The following CNTNAP2 variants were observed in gnomAD, a reference collection of about 807,000 sequenced individuals.
CNTNAP2 encodes contactin-associated protein-like 2.
In CNTNAP2, 98 loss-of-function variants were observed where a neutral mutation model predicts 155.2. The ratio of observed to expected loss-of-function variants is 0.63; its 90% CI spans 0.54 to 0.75. The LOEUF (loss-of-function observed/expected upper bound fraction) is 0.75. Among genes scored for constraint, CNTNAP2 ranks in the 30% least tolerant of loss-of-function variants. CNTNAP2 has a pLI of 0.00. For synonymous variants in CNTNAP2, 651 were observed against 631.2 expected (o/e 1.03, Z -0.47); for missense variants, 1,727 against 1,688.1 (o/e 1.02, Z -0.40).
intron 13 of CNTNAP2, among the ~76,000 whole-genome samples, chr7:147,730,575 G>A (rs183606377): frequency 2.3e-4 from 35 of 151,958 alleles, no homozygotes; most frequent in African/African-American, 7.2e-4. Context: ...CTGCTCCACC[G>A]ACCAGCCATT....
At chr7:147,003,309 A>G (rs1220950665) in intron 3 of CNTNAP2, among the ~76,000 whole-genome samples, 1 of 151,922 alleles carries the variant, frequency 6.6e-6, no homozygotes, top group African/African-American at 2.4e-5. Context: ...ATGAGAGACT[A>G]CTAAAACATA....
At chr7:146,229,348 G>A (rs1799346586) in intron 1 of CNTNAP2, among the ~76,000 whole-genome samples, 1 of 152,068 alleles carries the variant, frequency 6.6e-6, no homozygotes, top group African/African-American at 2.4e-5. Context: ...TTCTTCAAAG[G>A]TCTAATTCTT....
In CNTNAP2 at chr7:146,545,049, A is replaced by G. The variant is rs1346152103; in HGVS notation, c.98-229222A>G. ...TCAAAGATAAATGGATAGCTCACCA[A>G]TTCAAGGTATCTTTGGGGTAGTTTA... is the stretch of plus-strand genomic sequence containing the variant. On this transcript the variant is annotated intron_variant, in intron 1 of 23. Transcript: ENST00000361727. 3.3e-5 allele frequency among the ~76,000 whole-genome samples: 5 copies of G among 152,024 alleles called. No homozygotes were observed. The East Asian group carries it at 9.7e-4, about 30-fold the overall frequency.
At chr7:146,210,441 C>T (rs919258987) in intron 1 of CNTNAP2, among the ~76,000 whole-genome samples, 1 of 152,142 alleles carries the variant, frequency 6.6e-6, no homozygotes, top group Non-Finnish European at 1.5e-5. Context: ...GCAGCTGGGA[C>T]TACAGGCATG....
At chr7:147,235,269 T>C (rs1161175506) in intron 8 of CNTNAP2, among the ~76,000 whole-genome samples, 1 of 152,020 alleles carries the variant, frequency 6.6e-6, no homozygotes, top group Non-Finnish European at 1.5e-5. Context: ...ACCTGGAAGA[T>C]CCTTAGACTT....
chr7:147,790,422 G>C (rs1797802089), intron 13 of CNTNAP2, among the ~76,000 whole-genome samples: 1 of 152,168 alleles, frequency 6.6e-6, no homozygotes, highest in Non-Finnish European at 1.5e-5. Flanking sequence ...ATGAAGAATA[G>C]TGATACACTT....
At chr7:146,682,571 A>G (rs1286132180) in intron 1 of CNTNAP2, among the ~76,000 whole-genome samples, 6 of 152,312 alleles carry the variant, frequency 3.9e-5, no homozygotes, top group Admixed American at 1.3e-4. Flanking sequence ...GAGAAAATGC[A>G]AAGTACATAC....
chr7:147,306,546 G>A (rs1481376608), intron 9 of CNTNAP2, among the ~76,000 whole-genome samples: 1 of 152,172 alleles, frequency 6.6e-6, no homozygotes, highest in Non-Finnish European at 1.5e-5. Flanking sequence ...ATAAATATTG[G>A]AAAGCTTTGT....
At chr7:148,064,435 A>G (rs934982824) in intron 15 of CNTNAP2, among the ~76,000 whole-genome samples, 1 of 152,042 alleles carries the variant, frequency 6.6e-6, no homozygotes, top group Admixed American at 6.5e-5. Context: ...AGATAAGAGA[A>G]AGAAATAAAG....
chr7:147,342,314 A>G (rs1795779209), intron 9 of CNTNAP2, among the ~76,000 whole-genome samples: 1 of 150,160 alleles, frequency 6.7e-6, no homozygotes, highest in South Asian at 2.2e-4. Context: ...ATTTAAAGAC[A>G]TATATTTGAG....
intron 17 of CNTNAP2, among the ~76,000 whole-genome samples, chr7:148,168,889 A>C (rs1277513316): frequency 6.6e-6 from 1 of 152,234 alleles, no homozygotes; most frequent in Non-Finnish European, 1.5e-5. Context: ...TTAGAAGAAA[A>C]TATGGTTGAA....
At chr7:147,665,056 A>G (rs964404109) in intron 13 of CNTNAP2, among the ~76,000 whole-genome samples, 5 of 152,218 alleles carry the variant, frequency 3.3e-5, no homozygotes, top group African/African-American at 1.2e-4. Context: ...TGCTTTTCAC[A>G]AAGTAGATGC....
chr7:147,679,208 G>A (rs1795913095), intron 13 of CNTNAP2, among the ~76,000 whole-genome samples: 1 of 151,680 alleles, frequency 6.6e-6, no homozygotes, highest in Admixed American at 6.6e-5. Context: ...AAGATTTAAG[G>A]AAAAAGCTCT....
chr7:146,253,404 T>C (rs1477643167), intron 1 of CNTNAP2, among the ~76,000 whole-genome samples: 2 of 152,248 alleles, frequency 1.3e-5, no homozygotes, highest in Non-Finnish European at 1.5e-5. Context: ...GCTTGCAGTC[T>C]CCACACACTG....
At chr7:147,989,621 T>C (rs1186170770) in intron 15 of CNTNAP2, among the ~76,000 whole-genome samples, 3 of 152,222 alleles carry the variant, frequency 2.0e-5, no homozygotes, top group African/African-American at 7.2e-5. Context: ...AGGCCTAGTC[T>C]CAGGTGACAG....
chr7:146,203,985 A>C (rs1224618128), intron 1 of CNTNAP2, among the ~76,000 whole-genome samples: 1 of 152,164 alleles, frequency 6.6e-6, no homozygotes, highest in African/African-American at 2.4e-5. Flanking sequence ...CCTTTACTAC[A>C]TATATGACTT....
chr7:147,432,390 C>G (rs865848066), intron 10 of CNTNAP2, among the ~76,000 whole-genome samples: 1 of 152,186 alleles, frequency 6.6e-6, no homozygotes, highest in African/African-American at 2.4e-5. Context: ...AGAGACAAAG[C>G]TGTGTTTTTT....
At chr7:146,431,604 A>G (rs1170769642) in intron 1 of CNTNAP2, among the ~76,000 whole-genome samples, 1 of 152,078 alleles carries the variant, frequency 6.6e-6, no homozygotes, top group Non-Finnish European at 1.5e-5. Flanking sequence ...TTTAATTTTT[A>G]TAATAGATCA....
At chr7:148,024,168 A>AT (rs1310520923) in intron 15 of CNTNAP2, among the ~76,000 whole-genome samples, 2 of 151,112 alleles carry the variant, frequency 1.3e-5, no homozygotes, top group African/African-American at 4.9e-5. Flanking sequence ...AAAAAAAAAA[A>AT]AAAAAAAAAA....
Sources: allele counts gnomAD v4.1 joint callset (sites outside exome capture counted in the v4.1 genomes callset), GRCh38; gene constraint gnomAD v4.1.1; transcripts MANE v1.5; gene names NCBI Gene and HGNC (gene_info 2026-07-23, HGNC 2026-07-21).